Variants in POFUT2 observed in about 807,000 individuals in gnomAD.
The protein encoded by POFUT2 is GDP-fucose protein O-fucosyltransferase 2.
POFUT2 carries 30 observed loss-of-function variants against 55.0 expected under a neutral mutation model. That is an observed-to-expected ratio of 0.55 (90% confidence interval 0.41 to 0.74). POFUT2 has a LOEUF of 0.74. POFUT2 is among the 30% of genes least tolerant of loss of function. The pLI is 0.00. For synonymous variants in POFUT2, 267 were observed against 231.1 expected (o/e 1.16, Z -1.41); for missense variants, 524 against 562.6 (o/e 0.93, Z 0.69).
chr21:45,278,755 G>A (rs754716516), intron 4 of POFUT2, among the ~76,000 whole-genome samples: 1 of 152,234 alleles, frequency 6.6e-6, no homozygotes, highest in Non-Finnish European at 1.5e-5. Flanking sequence ...AAGGTGAGGT[G>A]CGTGAAGCAC....
chr21:45,285,740 AACTCAG>A lies in POFUT2; in HGVS notation c.314_319del (p.Ser105_Glu106del). The A allele has an allele frequency of 6.2e-7, 1 of 1,613,868 alleles. No homozygotes were observed. Among genetic ancestry groups the A allele is most frequent in the Non-Finnish European group, 8.5e-7 (1 of 1,180,026 alleles). On this transcript the variant is annotated inframe_deletion, in exon 2 of 9. Transcript: ENST00000349485. The surrounding 1 kb of genome is among the most constrained non-coding windows in gnomAD (Gnocchi z 4.9). ...TTTATTGAGACTTGGAAGATCAAAA[AACTCAG>A]ACCAGGGAATCCGGACCTGGTGGAT... is the stretch of plus-strand genomic sequence containing the variant.
At chr21:45,274,920 C>T (rs138136560) in intron 6 of POFUT2, among the ~76,000 whole-genome samples, 1 of 152,132 alleles carries the variant, frequency 6.6e-6, no homozygotes, top group African/African-American at 2.4e-5. Flanking sequence ...GCAACAAAAA[C>T]AAACATTAAT....
Position 45,267,772 on chromosome 21 carries a change from G to A in POFUT2, c.1013-59C>T. 6.7e-7 allele frequency: 1 copy of A among 1,487,810 alleles called. No homozygotes were observed. Among genetic ancestry groups the A allele is most frequent in the Admixed American group, 1.7e-5 (1 of 57,970 alleles). The allele number at this position is 1,487,810 out of a possible 1,614,324, so 92.2% of individuals were successfully genotyped here. A position where few individuals can be genotyped will look rare whatever the true frequency, so the allele number is the denominator to read the frequency against. ...GATCCTCCAGTAAGGACAGATACGT[G>A]ACTCTTTAGCAGACAGACATGCGTA... On this transcript the variant is annotated intron_variant, in intron 7 of 8. Coordinates refer to ENST00000349485, the MANE Select transcript of POFUT2 (RefSeq NM_133635.6). This position sits in a 1 kb window ranked among gnomAD's most constrained non-coding sequence, Gnocchi z 4.4.
At chr21:45,276,119 G>A (rs1293814992) in intron 6 of POFUT2, among the ~76,000 whole-genome samples, 1 of 152,126 alleles carries the variant, frequency 6.6e-6, no homozygotes, top group Non-Finnish European at 1.5e-5. Context: ...AACCCGGGAG[G>A]CAGAGGTTGC....
At position 45,266,606 on chromosome 21, in the gene POFUT2, G is replaced by A. The variant is rs533635189; in HGVS notation, c.1137-971C>T. The stretch of plus-strand genomic sequence containing the variant: ...CGTAACTGGGCTCCTGCACACCTCC[G>A]CCCTGACCTAAGAAGTCAGCGCTGC... On this transcript the variant is annotated intron_variant, in intron 8 of 8. Coordinates refer to ENST00000349485, the MANE Select transcript of POFUT2 (RefSeq NM_133635.6). 3.0e-5 allele frequency: 31 copies of A among 1,034,122 alleles called. No individual in the cohort carries two copies. In the South Asian group the frequency reaches 3.0e-4, roughly 10 times the overall value. The allele number at this position is 1,034,122 out of a possible 1,614,324, so 64.1% of individuals were successfully genotyped here. A position where few individuals can be genotyped will look rare whatever the true frequency, so the allele number is the denominator to read the frequency against.
rs1334343359 is a variant in POFUT2 at position 45,282,282 on chromosome 21, C to T, written c.638+67G>A. 5 of 1,041,278 alleles carry T rather than the reference C, an allele frequency of 4.8e-6. No homozygotes were observed. The African/African-American group carries it at 6.3e-5, about 13-fold the overall frequency. The allele number at this position is 1,041,278 out of a possible 1,614,324, so 64.5% of individuals were successfully genotyped here. A position where few individuals can be genotyped will look rare whatever the true frequency, so the allele number is the denominator to read the frequency against. ...TGCGGGAGTATGGGCGGAGAGCCCC[C>T]AGCCCAGCATGCACGGAGCAGACGC... is the stretch of plus-strand genomic sequence containing the variant. On this transcript the variant is annotated intron_variant, in intron 4 of 8. Transcript: ENST00000349485. This position sits in a 1 kb window ranked among gnomAD's most constrained non-coding sequence, Gnocchi z 4.6.
At position 45,282,329 on chromosome 21, in the gene POFUT2, G is replaced by C. The variant is rs745484532; in HGVS notation, c.638+20C>G. On this transcript the variant is annotated intron_variant, in intron 4 of 8. Transcript: ENST00000349485. The surrounding 1 kb of genome is among the most constrained non-coding windows in gnomAD (Gnocchi z 4.6). ...ACGCCACAGCCTCCAGGCTGCTCCC[G>C]GGGGGCCTGGGGCACTCACCGGGCT... 1 of 1,509,096 alleles carries C rather than the reference G, an allele frequency of 6.6e-7. No individual in the cohort carries two copies. The highest frequency in any genetic ancestry group is 1.1e-5 in the South Asian group (1 of 88,092). The allele number at this position is 1,509,096 out of a possible 1,614,324, so 93.5% of individuals were successfully genotyped here. A position where few individuals can be genotyped will look rare whatever the true frequency, so the allele number is the denominator to read the frequency against.
rs527582718 is a variant in POFUT2 at position 45,281,483 on chromosome 21, C to G, written c.638+866G>C. Among the ~76,000 whole-genome samples, 7 of 152,296 alleles carry G rather than the reference C, an allele frequency of 4.6e-5. No individual in the cohort carries two copies. The highest frequency in any genetic ancestry group is 1.3e-4 in the Admixed American group (2 of 15,302). On this transcript the variant is annotated intron_variant, in intron 4 of 8. Transcript: ENST00000349485. This position sits in a 1 kb window ranked among gnomAD's most constrained non-coding sequence, Gnocchi z 5.0. ...CGCGGGCCTGTGATGGAGCCACCTG[C>G]CTTCACAAAGGCCCAGAGCAGCTGA... is the stretch of plus-strand genomic sequence containing the variant.
At position 45,267,140 on chromosome 21, in the gene POFUT2, C is replaced by T. The variant is rs1261775876; in HGVS notation, c.1136+450G>A. The T allele has an allele frequency of 8.9e-6, 11 of 1,233,932 alleles. No individual in the cohort carries two copies. Among genetic ancestry groups the T allele is most frequent in the East Asian group, 8.9e-5 (2 of 22,398 alleles). 76.4% of individuals were successfully genotyped at this position (1,233,932 alleles called of 1,614,324 possible). ...GGGCCCATGCTCCCAGCCTTGGGGA[C>T]GCTCATGGCAGCCCCACGAGAATGA... is the stretch of plus-strand genomic sequence containing the variant. On this transcript the variant is annotated intron_variant, in intron 8 of 8. Transcript: ENST00000349485. This position sits in a 1 kb window ranked among gnomAD's most constrained non-coding sequence, Gnocchi z 4.4.
intron 1 of POFUT2, among the ~76,000 whole-genome samples, chr21:45,286,794 C>G (rs546085509): frequency 6.6e-6 from 1 of 152,038 alleles, no homozygotes; most frequent in African/African-American, 2.4e-5. Flanking sequence ...AGTGAAGCTG[C>G]GTGCAGCGCC....
chr21:45,285,720 T>C lies in POFUT2; in HGVS notation c.340A>G (p.Asn114Asp), dbSNP rs1028797348. ...WSEFFDLPSL[N>D]KNIPVIEYEQ... The stretch of plus-strand genomic sequence containing the variant: ...TACTCGATGACGGGGATGTTTTTAT[T>C]GAGACTTGGAAGATCAAAAAACTCA... The change falls in exon 2 of 9, where the codon AAT (asparagine) becomes GAT (aspartate). Residue 114 changes from asparagine to aspartate, a missense_variant. This residue lies in a region of POFUT2 where 274 missense variants were observed against 244.4 expected (regional missense o/e 1.12). Transcript: ENST00000349485. This position sits in a 1 kb window ranked among gnomAD's most constrained non-coding sequence, Gnocchi z 4.9. The C allele has an allele frequency of 3.1e-6, 5 of 1,613,750 alleles. No homozygotes were observed. The African/African-American group carries it at 6.7e-5, about 22-fold the overall frequency.
intron 6 of POFUT2, among the ~76,000 whole-genome samples, chr21:45,275,268 A>G (rs1200601401): frequency 6.6e-6 from 1 of 152,244 alleles, no homozygotes; most frequent in Non-Finnish European, 1.5e-5. Flanking sequence ...AAACCCAAAA[A>G]TAATGGATGT....
intron 1 of POFUT2, among the ~76,000 whole-genome samples, chr21:45,286,842 T>C (rs2031466775): frequency 2.0e-5 from 3 of 152,186 alleles, no homozygotes; most frequent in Admixed American, 2.0e-4. Flanking sequence ...TGCACACCTC[T>C]GCGTCCAGGC....
intron 6 of POFUT2, among the ~76,000 whole-genome samples, chr21:45,273,583 G>A (rs1489926822): frequency 6.6e-6 from 1 of 152,102 alleles, no homozygotes; most frequent in East Asian, 1.9e-4. Flanking sequence ...CTAGCTAACC[G>A]AATCCAACAA....
chr21:45,268,176 G>A (rs1047524901), intron 7 of POFUT2, among the ~76,000 whole-genome samples: 1 of 152,224 alleles, frequency 6.6e-6, no homozygotes, highest in Non-Finnish European at 1.5e-5. Context: ...GTGGAGACGG[G>A]GTTTCGCTGT....
rs914749309 is a variant in POFUT2, at chr21:45,268,129, G to A, written c.1013-416C>T. ...CTGCCTCAGCCTGCCGAGTGCCTGC[G>A]ATTGCAGGCACGCGCCACCACGCCT... On this transcript the variant is annotated intron_variant, in intron 7 of 8. Coordinates refer to ENST00000349485, the MANE Select transcript of POFUT2 (RefSeq NM_133635.6). Among the ~76,000 whole-genome samples, 94 of 149,518 alleles carry A rather than the reference G, an allele frequency of 6.3e-4. 2 individuals are homozygous for A. Among genetic ancestry groups the A allele is most frequent in the African/African-American group, 2.1e-3 (85 of 41,008 alleles).
intron 4 of POFUT2, among the ~76,000 whole-genome samples, chr21:45,280,759 G>A (rs1177436944): frequency 6.6e-6 from 1 of 150,448 alleles, no homozygotes; most frequent in Non-Finnish European, 1.5e-5. Context: ...TCCCTCACTC[G>A]CTGGGTTTCG....
chr21:45,270,832 C>G lies in POFUT2; in HGVS notation c.832-813G>C, dbSNP rs1297699275. Among the ~76,000 whole-genome samples, 1 of 152,242 alleles carries G rather than the reference C, an allele frequency of 6.6e-6. No individual in the cohort carries two copies. The highest frequency in any genetic ancestry group is 1.5e-5 in the Non-Finnish European group (1 of 68,042). On this transcript the variant is annotated intron_variant, in intron 6 of 8. Coordinates refer to ENST00000349485, the MANE Select transcript of POFUT2 (RefSeq NM_133635.6). The surrounding 1 kb of genome is among the most constrained non-coding windows in gnomAD (Gnocchi z 4.6). ...ACTGCAGCCCAGCTCTCAGGGAGCC[C>G]CATCCCTAGGGGAAGGCGAAGAGCG...
At position 45,269,891 on chromosome 21, in the gene POFUT2, C is replaced by T; in HGVS notation, c.960G>A (p.Met320Ile). Residue 320 changes from methionine to isoleucine, a missense_variant, in exon 7 of 9, where the codon ATG (methionine) becomes ATA (isoleucine). Coordinates refer to ENST00000349485, the MANE Select transcript of POFUT2 (RefSeq NM_133635.6). ...EGAVRKIRSL[M>I]KTHRLDKVFV... ...ACACCTTGTCCAGCCGGTGGGTCTT[C>T]ATGAGGCTGCGGATCTTCCTCACGG... 2 of 1,611,800 alleles carry T rather than the reference C, an allele frequency of 1.2e-6. No individual in the cohort carries two copies. The highest frequency in any genetic ancestry group is 1.7e-6 in the Non-Finnish European group (2 of 1,179,346).
Sources: gnomAD v4.1 joint callset for allele counts (sites outside exome capture counted in the v4.1 genomes callset) on GRCh38, gnomAD v4.1.1 for gene constraint, gnomAD v4.1.1 regional missense constraint, Gnocchi (gnomAD v3.1) non-coding constraint, MANE v1.5 for transcripts, NCBI Gene and HGNC (gene_info 2026-07-23, HGNC 2026-07-21) for gene names.